Variants in PCDH11Y observed in about 807,000 individuals in gnomAD.
PCDH11Y encodes the protein protocadherin-11 Y-linked.
For missense variants in PCDH11Y, 12 were observed against 224.8 expected (o/e 0.05, Z 6.05); for synonymous variants, 9 against 83.6 (o/e 0.11, Z 4.87).
chrY:5,136,908 AAT>A (rs2052841467), intron 2 of PCDH11Y, among the ~76,000 whole-genome samples: 1 of 33,539 alleles, frequency 3.0e-5, no homozygotes, highest in South Asian at 6.7e-4. Flanking sequence ...TATTTGAGCA[AAT>A]AATTGAGGGT....
At chrY:5,265,041 C>T in intron 2 of PCDH11Y, among the ~76,000 whole-genome samples, 1 of 32,178 alleles carries the variant, frequency 3.1e-5, no homozygotes, top group Non-Finnish European at 7.6e-5. Context: ...GAGTCCAATG[C>T]CAAGTCCTCC....
chrY:5,336,126 G>A (rs2053136405), intron 2 of PCDH11Y, among the ~76,000 whole-genome samples: 1 of 33,014 alleles, frequency 3.0e-5, no homozygotes, highest in Non-Finnish European at 7.4e-5. Flanking sequence ...TGAAAGAGCT[G>A]TAGAAGATAT....
At chrY:5,244,699 A>G in intron 2 of PCDH11Y, among the ~76,000 whole-genome samples, 1 of 34,213 alleles carries the variant, frequency 2.9e-5, no homozygotes, top group Non-Finnish European at 7.3e-5. Flanking sequence ...TAGATTCTCA[A>G]AAGCCACTCA....
At chrY:5,234,389 A>G (rs2052972437) in intron 2 of PCDH11Y, among the ~76,000 whole-genome samples, 1 of 29,507 alleles carries the variant, frequency 3.4e-5, no homozygotes, top group Admixed American at 3.3e-4. Context: ...GATTATAGGT[A>G]TGCACCACCA....
intron 2 of PCDH11Y, among the ~76,000 whole-genome samples, chrY:5,295,916 T>C: frequency 3.0e-5 from 1 of 33,365 alleles, no homozygotes. Context: ...ATTTATCTGA[T>C]AAAATTCTGA....
At chrY:5,544,908 A>G in intron 3 of PCDH11Y, among the ~76,000 whole-genome samples, 2 of 30,465 alleles carry the variant, frequency 6.6e-5, no homozygotes, top group Non-Finnish European at 1.6e-4. Context: ...TCATCCATAT[A>G]GAAATTAATG....
At chrY:5,093,250 T>A in intron 1 of PCDH11Y, among the ~76,000 whole-genome samples, 1 of 33,382 alleles carries the variant, frequency 3.0e-5, no homozygotes, top group Admixed American at 2.7e-4. Flanking sequence ...GTTTTTGTCT[T>A]GGGTTTGCAA....
chrY:5,245,513 C>T, intron 2 of PCDH11Y, among the ~76,000 whole-genome samples: 1 of 31,614 alleles, frequency 3.2e-5, no homozygotes, highest in African/African-American at 1.2e-4. Context: ...AACTTCCCTA[C>T]AGAAGAGGGA....
At chrY:5,064,668 G>T (rs1602854836) in intron 1 of PCDH11Y, among the ~76,000 whole-genome samples, 1 of 24,447 alleles carries the variant, frequency 4.1e-5, no homozygotes, top group Non-Finnish European at 9.4e-5. Flanking sequence ...ATACATACTT[G>T]TGTGTGTGTG....
At chrY:5,424,387 G>A in intron 2 of PCDH11Y, among the ~76,000 whole-genome samples, 2 of 33,099 alleles carry the variant, frequency 6.0e-5, no homozygotes, top group South Asian at 1.3e-3. Context: ...CTCTGTTGCT[G>A]TTTTTGTTAT....
chrY:5,640,048 G>T, intron 4 of PCDH11Y, among the ~76,000 whole-genome samples: 5 of 32,899 alleles, frequency 1.5e-4, no homozygotes, highest in Admixed American at 2.8e-4. Context: ...ATCTTCACCA[G>T]TAGTAGTTTC....
chrY:5,043,854 A>G (rs2124624593), intron 3 of PCDH11Y, among the ~76,000 whole-genome samples: 3 of 33,457 alleles, frequency 9.0e-5, no homozygotes, highest in Admixed American at 2.7e-4. Flanking sequence ...TGTACGTGTC[A>G]AGGAATTTAT....
At chrY:5,373,342 C>A in intron 2 of PCDH11Y, among the ~76,000 whole-genome samples, 3 of 25,213 alleles carry the variant, frequency 1.2e-4, no homozygotes, top group Non-Finnish European at 2.6e-4. Context: ...TGCGCCACCA[C>A]ACCCAGCTAA....
At chrY:5,385,935 G>A (rs2053214466) in intron 2 of PCDH11Y, among the ~76,000 whole-genome samples, 1 of 33,054 alleles carries the variant, frequency 3.0e-5, no homozygotes. Context: ...AGATTGTGAA[G>A]ATTTTCTCCC....
intron 2 of PCDH11Y, among the ~76,000 whole-genome samples, chrY:5,353,044 C>T: frequency 3.4e-5 from 1 of 29,788 alleles, no homozygotes; most frequent in Non-Finnish European, 8.0e-5. Context: ...CTGTTGTTGC[C>T]CAGGCTGAAG....
chrY:5,200,838 G>A (rs2052926052), intron 2 of PCDH11Y, among the ~76,000 whole-genome samples: 5 of 33,228 alleles, frequency 1.5e-4, no homozygotes, highest in Admixed American at 5.5e-4. Flanking sequence ...TTTTGCTTTG[G>A]CACAGGAAAA....
intron 2 of PCDH11Y, among the ~76,000 whole-genome samples, chrY:5,426,355 G>A: frequency 1.5e-4 from 5 of 32,763 alleles, no homozygotes; most frequent in Non-Finnish European, 3.8e-4. Context: ...CTGGCCAGAC[G>A]TGTCTATGCA....
At chrY:5,228,872 A>G in intron 2 of PCDH11Y, among the ~76,000 whole-genome samples, 1 of 32,579 alleles carries the variant, frequency 3.1e-5, no homozygotes, top group African/African-American at 1.2e-4. Context: ...TCCATGTGCT[A>G]AGGAAAAGAA....
At chrY:5,440,756 TATAG>T (rs2053280298) in intron 2 of PCDH11Y, among the ~76,000 whole-genome samples, 8 of 16,869 alleles carry the variant, frequency 4.7e-4, no homozygotes, top group South Asian at 1.7e-3. Flanking sequence ...TATATATATA[TATAG>T]AGAGAGAGAG....
Sources: gnomAD v4.1 joint callset for allele counts (sites outside exome capture counted in the v4.1 genomes callset) on GRCh38, gnomAD v4.1.1 for gene constraint, MANE v1.5 for transcripts, NCBI Gene and HGNC (gene_info 2026-07-23, HGNC 2026-07-21) for gene names.